Variants in NOX4 observed in about 807,000 individuals in gnomAD.
The protein encoded by NOX4 is kidney oxidase-1.
A neutral mutation model predicts 87.6 loss-of-function variants in NOX4; 69 were observed. The ratio of observed to expected loss-of-function variants is 0.79; its 90% CI spans 0.65 to 0.96. The LOEUF is 0.96. Among genes scored for constraint, NOX4 ranks in the 40% least tolerant of loss-of-function variants. NOX4 has a pLI of 0.00. For missense variants in NOX4, 680 were observed against 681.5 expected (o/e 1.00, Z 0.02); for synonymous variants, 275 against 238.2 (o/e 1.15, Z -1.42).
chr11:89,561,078 T>C, the NOX4 span, among the ~76,000 whole-genome samples: 2 of 123,776 alleles, frequency 1.6e-5, no homozygotes, highest in Non-Finnish European at 3.4e-5. Flanking sequence ...TATATATATA[T>C]ATATATATCC....
At chr11:89,432,918 T>C in intron 6 of NOX4, 62 bp from the exon 7 acceptor site, 1 of 1,121,588 alleles carries the variant, frequency 8.9e-7, no homozygotes, top group South Asian at 1.3e-5. Context: ...ATACAAAAAA[T>C]GATTATATTA....
chr11:89,517,589 T>C, the NOX4 span, among the ~76,000 whole-genome samples: 2 of 151,852 alleles, frequency 1.3e-5, no homozygotes, highest in African/African-American at 2.4e-5. Flanking sequence ...GATTCTCCCA[T>C]CTGTTTTCTG....
intron 2 of NOX4, among the ~76,000 whole-genome samples, chr11:89,462,175 CA>C (rs995182002): frequency 1.3e-5 from 2 of 151,734 alleles, no homozygotes; most frequent in Non-Finnish European, 2.9e-5. Context: ...AACAAAAAAA[CA>C]AACCACAAGA....
chr11:89,329,868 A>C (rs1198579219), intron 17 of NOX4, among the ~76,000 whole-genome samples: 1 of 152,042 alleles, frequency 6.6e-6, no homozygotes, highest in Non-Finnish European at 1.5e-5. Context: ...CCAGCACTAT[A>C]AAGGACACTA....
chr11:89,569,871 G>A, the NOX4 span, among the ~76,000 whole-genome samples: 7 of 151,736 alleles, frequency 4.6e-5, no homozygotes, highest in East Asian at 7.8e-4. Context: ...GCGTGGTGGC[G>A]GGCGCCTGTA....
chr11:89,478,821 A>C (rs1470634769), intron 2 of NOX4, among the ~76,000 whole-genome samples: 1 of 152,148 alleles, frequency 6.6e-6, no homozygotes, highest in African/African-American at 2.4e-5. Flanking sequence ...TTTTTTAAAA[A>C]TGTACAAAAT....
chr11:89,578,907 T>C, the NOX4 span, among the ~76,000 whole-genome samples: 3 of 152,084 alleles, frequency 2.0e-5, no homozygotes, highest in Non-Finnish European at 4.4e-5. Flanking sequence ...CAGTCAAGAG[T>C]GTTCACTTCA....
intron 13 of NOX4, among the ~76,000 whole-genome samples, chr11:89,350,637 C>T (rs1946414819): frequency 6.6e-6 from 1 of 152,122 alleles, no homozygotes; most frequent in African/African-American, 2.4e-5. Context: ...ATATTTCAAT[C>T]AGAAAAATGA....
At chr11:89,395,780 T>C (rs1941441462) in intron 11 of NOX4, among the ~76,000 whole-genome samples, 1 of 152,186 alleles carries the variant, frequency 6.6e-6, no homozygotes, top group African/African-American at 2.4e-5. Flanking sequence ...CCATTGCTTG[T>C]TTTTGTCAAG....
intron 1 of NOX4, 127 bp downstream of exon 1, chr11:89,491,063 A>T (rs1591380302): frequency 1.1e-6 from 1 of 894,864 alleles, no homozygotes; most frequent in Non-Finnish European, 1.8e-6. Context: ...AAAGTTTTGT[A>T]AGTTGAGAAT....
Position 89,346,684 on chromosome 11 carries a change from C to T in NOX4, c.1218-4491G>A, listed in dbSNP as rs114410353. 4.4e-3 allele frequency among the ~76,000 whole-genome samples: 668 copies of T among 152,176 alleles called. 2 individuals carry two copies. Among genetic ancestry groups the T allele is most frequent in the African/African-American group, 0.015 (637 of 41,506 alleles). On this transcript the variant is annotated intron_variant, in intron 13 of 17. Coordinates refer to ENST00000263317, the MANE Select transcript of NOX4 (RefSeq NM_016931.5). The stretch of plus-strand genomic sequence containing the variant: ...ACCTCCAGCTATAGACTCGGCTTGG[C>T]CCTATCCTTCAACCAATTCTTATCT...
At chr11:89,567,943 G>A in the NOX4 span, among the ~76,000 whole-genome samples, 3 of 152,196 alleles carry the variant, frequency 2.0e-5, no homozygotes, top group South Asian at 4.1e-4. Flanking sequence ...GTGTGCATGT[G>A]TGGACCCTGA....
At chr11:89,337,790 G>A (rs1945781669) in intron 15 of NOX4, among the ~76,000 whole-genome samples, 2 of 152,030 alleles carry the variant, frequency 1.3e-5, no homozygotes, top group South Asian at 4.1e-4. Context: ...AATTTAGCAT[G>A]CTGAATGCTG....
chr11:89,333,876 T>C (rs1030642359), intron 17 of NOX4, among the ~76,000 whole-genome samples: 1 of 151,762 alleles, frequency 6.6e-6, no homozygotes, highest in African/African-American at 2.4e-5. Context: ...GTCAAAGTGT[T>C]GTACAAAATG....
chr11:89,585,143 T>C, the NOX4 span, among the ~76,000 whole-genome samples: 6 of 152,260 alleles, frequency 3.9e-5, no homozygotes, highest in East Asian at 3.9e-4. Context: ...CATGATTCTT[T>C]AGGTGTCATT....
At chr11:89,510,171 C>T in the NOX4 span, among the ~76,000 whole-genome samples, 1 of 152,072 alleles carries the variant, frequency 6.6e-6, no homozygotes, top group Non-Finnish European at 1.5e-5. Flanking sequence ...AGTGATAGCA[C>T]TTTCAAGCGT....
intron 12 of NOX4, among the ~76,000 whole-genome samples, chr11:89,365,630 T>C (rs149083192): frequency 0.014 from 2,167 of 151,482 alleles, 48 homozygotes; most frequent in African/African-American, 0.05. Flanking sequence ...AAGAAACACC[T>C]CAGACTGATC....
the NOX4 span, among the ~76,000 whole-genome samples, chr11:89,542,737 C>CTGG: frequency 2.6e-5 from 4 of 152,164 alleles, no homozygotes; most frequent in African/African-American, 9.7e-5. Flanking sequence ...GCATCGCATC[C>CTGG]TGGGGGCAGG....
rs879149647 is a variant in NOX4 at position 89,335,917 on chromosome 11, A to G, written c.1544T>C (p.Leu515Pro). 6.3e-7 allele frequency: 1 copy of G among 1,597,578 alleles called. No homozygotes were observed. Among genetic ancestry groups the G allele is most frequent in the East Asian group, 2.3e-5 (1 of 44,402 alleles). The change falls in exon 17 of 18, where the codon CTG becomes CCG. Residue 515 changes from leucine (L) to proline (P), a missense_variant. By Grantham distance (98) the Leu-to-Pro change is moderately conservative. Transcript: ENST00000263317. ...QKIIGEKYHA[L>P]NSRLFIGRPR... ...ACGTCCTATAAACAGTCTTGAATTC[A>G]GTGCATGATATTTTTCTCCAATTAT...
Sources: gnomAD v4.1 joint callset for allele counts (sites outside exome capture counted in the v4.1 genomes callset) on GRCh38, gnomAD v4.1.1 for gene constraint, MANE v1.5 for transcripts, NCBI Gene and HGNC (gene_info 2026-07-23, HGNC 2026-07-21) for gene names.